ATP10B: variants seen among roughly 807,000 people sequenced by gnomAD.
ATP10B encodes phospholipid-transporting ATPase VB.
A neutral mutation model predicts 141.2 loss-of-function variants in ATP10B; 122 were observed. The observed-to-expected ratio is 0.86, with a 90% confidence interval of 0.75 to 1.00. The LOEUF is 1.00. Among genes scored for constraint, ATP10B ranks in the 50% least tolerant of loss-of-function variants. The pLI, the probability that ATP10B is intolerant of heterozygous loss-of-function variation, is 0.00. For missense variants in ATP10B, 1,876 were observed against 1,825.3 expected (o/e 1.03, Z -0.51); for synonymous variants, 685 against 692.0 (o/e 0.99, Z 0.16).
At chr5:160,839,131 AGTC>A (rs1775659146) in intron 1 of ATP10B, among the ~76,000 whole-genome samples, 1 of 152,158 alleles carries the variant, frequency 6.6e-6, no homozygotes, top group East Asian at 1.9e-4. Context: ...TAGATTACCT[AGTC>A]TCAGGTATTC....
chr5:160,595,494 GA>G (rs1460656406), intron 22 of ATP10B, among the ~76,000 whole-genome samples: 3 of 152,012 alleles, frequency 2.0e-5, no homozygotes, highest in African/African-American at 7.3e-5. Context: ...AGAGAAGCAA[GA>G]GCAAACACAT....
chr5:160,565,754 G>T lies in ATP10B; in HGVS notation c.4085C>A (p.Ala1362Asp). 1 of 1,614,100 alleles carries T rather than the reference G, an allele frequency of 6.2e-7. No homozygotes were observed. The highest frequency in any genetic ancestry group is 1.3e-5 in the African/African-American group (1 of 75,042). ...RQRPAPVPEVARPTHHPVSSI... is the reference protein window; with the variant it reads ...RQRPAPVPEVDRPTHHPVSSI... Reference sequence around the variant, plus strand: ...TGACACTGGGTGGTGAGTTGGTCGAGCCACTTCGGGGACAGGGGCAGGCCT... The same window carrying T: ...TGACACTGGGTGGTGAGTTGGTCGATCCACTTCGGGGACAGGGGCAGGCCT... Residue 1362 changes from alanine (A) to aspartate (D), a missense_variant, in exon 26 of 26, where the codon GCT becomes GAT. By Grantham distance (126) the Ala-to-Asp change is moderately radical (BLOSUM62 -2). Transcript: ENST00000327245.
At chr5:160,912,713 AAGAAAGAAAAGAGAGAGAG>A in the ATP10B span, among the ~76,000 whole-genome samples, 3 of 152,050 alleles carry the variant, frequency 2.0e-5, no homozygotes, top group Non-Finnish European at 2.9e-5. Flanking sequence ...AAGAGAAAAG[AAGAAAGAAAAGAGAGAGAG>A]AGAAAGAAAG....
chr5:160,817,846 A>AT (rs1773775528), intron 1 of ATP10B, among the ~76,000 whole-genome samples: 1 of 152,214 alleles, frequency 6.6e-6, no homozygotes, highest in South Asian at 2.1e-4. Flanking sequence ...ATAATGCCGC[A>AT]TATCTACAGC....
At chr5:160,667,432 C>A (rs1160874433) in intron 7 of ATP10B, among the ~76,000 whole-genome samples, 1 of 151,920 alleles carries the variant, frequency 6.6e-6, no homozygotes, top group East Asian at 1.9e-4. Flanking sequence ...TCATGCAAAG[C>A]CCTTAGTATG....
intron 19 of ATP10B, 50 bp from the exon 20 acceptor site, chr5:160,604,091 G>A (rs775691670): frequency 5.1e-6 from 7 of 1,379,026 alleles, no homozygotes; most frequent in African/African-American, 1.4e-5. Flanking sequence ...ACTGCTCAGT[G>A]ACAATGAGGT....
At chr5:160,729,809 G>C (rs1766613097) in intron 2 of ATP10B, among the ~76,000 whole-genome samples, 1 of 152,152 alleles carries the variant, frequency 6.6e-6, no homozygotes, top group African/African-American at 2.4e-5. Flanking sequence ...GGAGATGGTG[G>C]AAACAGGAGA....
Position 160,846,672 on chromosome 5 carries a change from T to C in ATP10B, c.-576+5269A>G, listed in dbSNP as rs771259748. Among the ~76,000 whole-genome samples the C allele has an allele frequency of 3.3e-5, 5 of 152,142 alleles. 1 individual carries two copies. Among genetic ancestry groups the C allele is most frequent in the Non-Finnish European group, 1.5e-5 (1 of 68,028 alleles). ...CTTAGTAGGTACCACCACAAAAAAT[T>C]GCTATTTTTATGTCAAAAATGGTCA... is the stretch of plus-strand genomic sequence containing the variant. On this transcript the variant is annotated intron_variant, in intron 1 of 25. Coordinates refer to ENST00000327245, the MANE Select transcript of ATP10B (RefSeq NM_025153.3).
the ATP10B span, among the ~76,000 whole-genome samples, chr5:160,898,683 G>A: frequency 1.3e-5 from 2 of 152,076 alleles, no homozygotes; most frequent in Non-Finnish European, 2.9e-5. Flanking sequence ...CTACTATAAA[G>A]ACACATGCAC....
intron 1 of ATP10B, among the ~76,000 whole-genome samples, chr5:160,799,180 G>A (rs184615025): frequency 2.0e-5 from 3 of 151,966 alleles, no homozygotes; most frequent in Non-Finnish European, 4.4e-5. Context: ...AGAAGTCCTC[G>A]GACTCAGAAC....
intron 1 of ATP10B, among the ~76,000 whole-genome samples, chr5:160,838,265 T>C (rs1046358826): frequency 3.3e-5 from 5 of 152,164 alleles, no homozygotes; most frequent in Admixed American, 1.3e-4. Flanking sequence ...TAGATTCCTG[T>C]TAAAGTAGGT....
chr5:160,896,450 T>C, the ATP10B span, among the ~76,000 whole-genome samples: 2 of 151,924 alleles, frequency 1.3e-5, no homozygotes, highest in Admixed American at 6.6e-5. Flanking sequence ...CAAGAAGAAA[T>C]TGATAAATTC....
At chr5:160,823,245 T>A (rs1446761771) in intron 1 of ATP10B, among the ~76,000 whole-genome samples, 1 of 151,620 alleles carries the variant, frequency 6.6e-6, no homozygotes, top group African/African-American at 2.4e-5. Context: ...TGCAGGAATA[T>A]GGGTGGAGCT....
At chr5:160,595,499 A>G (rs1191611745) in intron 22 of ATP10B, among the ~76,000 whole-genome samples, 3 of 152,210 alleles carry the variant, frequency 2.0e-5, no homozygotes, top group East Asian at 3.8e-4. Flanking sequence ...AGCAAGAGCA[A>G]ACACATTCAA....
chr5:160,631,559 T>C (rs1227414471), intron 13 of ATP10B, among the ~76,000 whole-genome samples: 1 of 152,272 alleles, frequency 6.6e-6, no homozygotes, highest in Non-Finnish European at 1.5e-5. Context: ...TATTTAAAAC[T>C]TATTTTTGAT....
At chr5:160,747,357 C>A (rs1204070891) in intron 2 of ATP10B, among the ~76,000 whole-genome samples, 2 of 152,160 alleles carry the variant, frequency 1.3e-5, no homozygotes, top group Non-Finnish European at 2.9e-5. Flanking sequence ...CTCTAAACAG[C>A]CTGGCGTGGG....
At chr5:160,571,351 C>T (rs1011828671) in intron 24 of ATP10B, among the ~76,000 whole-genome samples, 1 of 152,110 alleles carries the variant, frequency 6.6e-6, no homozygotes, top group Non-Finnish European at 1.5e-5. Context: ...ACCATTGAAA[C>T]TTATAGTTAT....
In ATP10B at chr5:160,718,185, G is replaced by A. The variant is rs554214157; in HGVS notation, c.-330-1151C>T. Among the ~76,000 whole-genome samples, 75 of 152,296 alleles carry A rather than the reference G, an allele frequency of 4.9e-4. 1 individual carries two copies. Among genetic ancestry groups the A allele is most frequent in the African/African-American group, 1.5e-3 (64 of 41,566 alleles). ...GAAACTTTGGCCAGGAATTGGATGC[G>A]TACACTGACGTCCCTAGTGCCATTT... On this transcript the variant is annotated intron_variant, in intron 2 of 25. Coordinates refer to ENST00000327245, the MANE Select transcript of ATP10B (RefSeq NM_025153.3).
chr5:160,758,249 C>A (rs1291001839), intron 2 of ATP10B, among the ~76,000 whole-genome samples: 1 of 151,944 alleles, frequency 6.6e-6, no homozygotes, highest in Non-Finnish European at 1.5e-5. Context: ...GAAACTTGAC[C>A]TTTCTGAGCT....
Sources: allele counts gnomAD v4.1 joint callset (sites outside exome capture counted in the v4.1 genomes callset), GRCh38; gene constraint gnomAD v4.1.1; transcripts MANE v1.5; gene names NCBI Gene and HGNC (gene_info 2026-07-23, HGNC 2026-07-21).